AFF2: variants seen among roughly 807,000 people sequenced by gnomAD.
AFF2 encodes the protein AF4/FMR2 family member 2.
A neutral mutation model predicts 76.9 loss-of-function variants in AFF2; 14 were observed. The observed-to-expected ratio is 0.18, with a 90% CI of 0.12 to 0.28. The LOEUF (loss-of-function observed/expected upper bound fraction) is 0.28. Among genes scored for constraint, AFF2 ranks in the 10% least tolerant of loss-of-function variants. The pLI is 1.00. For synonymous variants in AFF2, 398 were observed against 366.7 expected, an observed-to-expected ratio of 1.09 and a Z score of -0.98; for missense variants, 868 against 1,001.1, an observed-to-expected ratio of 0.87 and a Z score of 1.79.
chrX:148,558,463 T>C (rs2053076425), intron 1 of AFF2, among the ~76,000 whole-genome samples: 1 of 111,552 alleles, frequency 9.0e-6, no homozygotes, highest in South Asian at 3.8e-4. Context: ...TCGCAGCTAG[T>C]TCTGTCATTT....
intron 1 of AFF2, among the ~76,000 whole-genome samples, chrX:148,640,793 A>G (rs1267364818): frequency 8.9e-6 from 1 of 112,208 alleles, no homozygotes; most frequent in Admixed American, 9.5e-5. Context: ...CAAAGGCCAA[A>G]TTATCAGTTT....
At chrX:148,540,221 G>T (rs1557237247) in intron 1 of AFF2, among the ~76,000 whole-genome samples, 1 of 111,153 alleles carries the variant, frequency 9.0e-6, no homozygotes, top group Non-Finnish European at 1.9e-5. Flanking sequence ...AACCTTACCA[G>T]GTCCAGCTGG....
chrX:148,996,142 C>G lies in AFF2; in HGVS notation c.*4810C>G, dbSNP rs2072596505. 1 of 112,522 alleles carries G rather than the reference C, an allele frequency of 8.9e-6. No individual in the cohort carries two copies. The highest frequency in any genetic ancestry group is 1.9e-5 in the Non-Finnish European group (1 of 53,341). The allele number at this position is 112,522 out of a possible 1,213,427, so 9.3% of individuals were successfully genotyped here. On this transcript the variant is annotated 3_prime_UTR_variant, in exon 21 of 21. Coordinates refer to ENST00000370460, the MANE Select transcript of AFF2 (RefSeq NM_002025.4). ...GGTAGTCAAATGCACCCCAGATGCT[C>G]AAGCCCTGTTGTGGTTCTGCAGTGT...
intron 8 of AFF2, among the ~76,000 whole-genome samples, chrX:148,890,058 G>A (rs182949658): frequency 2.8e-4 from 31 of 112,124 alleles, no homozygotes; most frequent in Non-Finnish European, 5.1e-4. Context: ...TAAGGAATGG[G>A]ATGTTAAAGA....
intron 7 of AFF2, among the ~76,000 whole-genome samples, chrX:148,868,023 T>C (rs1296263949): frequency 9.0e-6 from 1 of 111,446 alleles, no homozygotes; most frequent in Non-Finnish European, 1.9e-5. Flanking sequence ...TTACTCACAC[T>C]CTTTGCCCCT....
chrX:148,543,170 G>A (rs2052879764), intron 1 of AFF2, among the ~76,000 whole-genome samples: 1 of 111,403 alleles, frequency 9.0e-6, no homozygotes. Flanking sequence ...TGTTGGAAAT[G>A]CCCAATGTCA....
chrX:148,948,651 G>A (rs2071929523), intron 9 of AFF2, among the ~76,000 whole-genome samples: 1 of 111,244 alleles, frequency 9.0e-6, no homozygotes, highest in African/African-American at 3.3e-5. Context: ...TGCAGAATGA[G>A]GTCATTTTGC....
intron 9 of AFF2, among the ~76,000 whole-genome samples, chrX:148,929,645 A>T (rs782525179): frequency 1.8e-5 from 2 of 111,816 alleles, no homozygotes; most frequent in African/African-American, 6.5e-5. Context: ...CACCCCAAGA[A>T]TTCATGCCTG....
chrX:148,881,667 T>C (rs1332251701), intron 7 of AFF2, among the ~76,000 whole-genome samples: 2 of 111,319 alleles, frequency 1.8e-5, no homozygotes, highest in African/African-American at 3.3e-5. Context: ...TGGTTTCCAA[T>C]GATGTGTGGG....
intron 3 of AFF2, among the ~76,000 whole-genome samples, chrX:148,699,257 G>T (rs1352079042): frequency 1.8e-5 from 2 of 112,007 alleles, no homozygotes; most frequent in Non-Finnish European, 3.8e-5. Context: ...TTTTGTATGT[G>T]CAATGTGTGT....
chrX:148,840,379 A>G (rs1413549481), intron 5 of AFF2, among the ~76,000 whole-genome samples: 1 of 112,361 alleles, frequency 8.9e-6, no homozygotes, highest in Non-Finnish European at 1.9e-5. Flanking sequence ...CGCATTGTCC[A>G]TGACTGCTTT....
intron 3 of AFF2, among the ~76,000 whole-genome samples, chrX:148,764,346 A>G (rs968161829): frequency 1.8e-5 from 2 of 112,322 alleles, no homozygotes; most frequent in Non-Finnish European, 3.8e-5. Flanking sequence ...ATTGGAGAGC[A>G]TACAAAATGC....
chrX:148,700,674 ATTGTTG>A (rs782511252), intron 3 of AFF2, among the ~76,000 whole-genome samples: 3 of 110,556 alleles, frequency 2.7e-5, no homozygotes, highest in African/African-American at 9.9e-5. Context: ...AGCATTAAAA[ATTGTTG>A]TTGTTGTTGT....
chrX:148,938,285 G>T (rs1569557262), intron 9 of AFF2, among the ~76,000 whole-genome samples: 2 of 111,881 alleles, frequency 1.8e-5, no homozygotes, highest in Admixed American at 9.5e-5. Flanking sequence ...AATCTTCGTT[G>T]TCATTATAGA....
At chrX:148,542,128 G>T (rs1001235995) in intron 1 of AFF2, among the ~76,000 whole-genome samples, 3 of 109,618 alleles carry the variant, frequency 2.7e-5, no homozygotes, top group African/African-American at 9.9e-5. Flanking sequence ...GCTAATCAGG[G>T]ATTTGCATCT....
At chrX:148,560,919 T>C (rs1348790653) in intron 1 of AFF2, among the ~76,000 whole-genome samples, 3 of 111,667 alleles carry the variant, frequency 2.7e-5, no homozygotes, top group Non-Finnish European at 5.6e-5. Flanking sequence ...TCTGTACCCC[T>C]CGCCACTTCA....
intron 3 of AFF2, among the ~76,000 whole-genome samples, chrX:148,692,046 CTT>C (rs66986683): frequency 9.8e-6 from 1 of 102,010 alleles, no homozygotes. Flanking sequence ...CAAAAATGTT[CTT>C]TTTTTTTTTT....
intron 15 of AFF2, among the ~76,000 whole-genome samples, chrX:148,970,981 A>G (rs12839560): frequency 0.56 from 61,989 of 110,329 alleles, 15,043 homozygotes; most frequent in East Asian, 0.89. Context: ...TAGTTGAGGC[A>G]ATGATTTGGA....
chrX:148,620,852 A>C (rs1557251151), intron 1 of AFF2, among the ~76,000 whole-genome samples: 1 of 112,024 alleles, frequency 8.9e-6, no homozygotes, highest in Non-Finnish European at 1.9e-5. Context: ...CTGCCAACTC[A>C]TACCATAAAG....
Sources: gnomAD v4.1 joint callset for allele counts (sites outside exome capture counted in the v4.1 genomes callset) on GRCh38, gnomAD v4.1.1 for gene constraint, MANE v1.5 for transcripts, NCBI Gene and HGNC (gene_info 2026-07-23, HGNC 2026-07-21) for gene names.